CCDC192: variants seen among roughly 807,000 people sequenced by gnomAD.
CCDC192 encodes coiled-coil domain containing 192.
intron 5 of CCDC192, among the ~76,000 whole-genome samples, chr5:127,847,616 G>T (rs1373856628): frequency 1.3e-5 from 2 of 151,830 alleles, no homozygotes; most frequent in Non-Finnish European, 2.9e-5. Flanking sequence ...AAACAGGACT[G>T]GTTCAAGATC....
intron 2 of CCDC192, among the ~76,000 whole-genome samples, chr5:127,750,517 G>C (rs1754084299): frequency 6.6e-6 from 1 of 151,646 alleles, no homozygotes; most frequent in African/African-American, 2.4e-5. Flanking sequence ...ATTTGCTGAG[G>C]AGTGCTTTAC....
chr5:127,922,831 A>T (rs762708948), intron 6 of CCDC192, among the ~76,000 whole-genome samples: 1 of 152,252 alleles, frequency 6.6e-6, no homozygotes, highest in Non-Finnish European at 1.5e-5. Context: ...GAGCCTTGTC[A>T]TCTAAATGAA....
rs10718531 is a variant in CCDC192 at position 127,911,699 on chromosome 5, C to CTT, written c.536-29463_536-29462dup. On this transcript the variant is annotated intron_variant, in intron 6 of 6. Coordinates refer to ENST00000514853, the MANE Select transcript of CCDC192 (RefSeq NM_001317938.2). ...ATTCTCTATCTTTTGCCTTATACCA[C>CTT]TTTTTTTTTTTTTTTTTTTTTACAG... is the stretch of plus-strand genomic sequence containing the variant. 2.0e-4 allele frequency among the ~76,000 whole-genome samples: 23 copies of CTT among 117,312 alleles called. No homozygotes were observed. In the South Asian group the frequency reaches 3.6e-3, roughly 18 times the overall value. The allele number at this position is 117,312 out of a possible 152,430, so 77.0% of individuals were successfully genotyped here.
intron 3 of CCDC192, among the ~76,000 whole-genome samples, chr5:127,765,612 C>T (rs557389642): frequency 1.1e-4 from 16 of 152,250 alleles, no homozygotes; most frequent in South Asian, 4.1e-4. Context: ...GAGTGTAATT[C>T]AAGGAGCACA....
At chr5:127,767,363 T>C (rs1300673209) in intron 3 of CCDC192, among the ~76,000 whole-genome samples, 4 of 152,208 alleles carry the variant, frequency 2.6e-5, no homozygotes, top group East Asian at 3.8e-4. Context: ...AACGGTTGTG[T>C]AACTACAGGT....
At chr5:127,817,451 T>G (rs1441476368) in intron 5 of CCDC192, among the ~76,000 whole-genome samples, 1 of 152,220 alleles carries the variant, frequency 6.6e-6, no homozygotes, top group East Asian at 1.9e-4. Context: ...AATGGAATAT[T>G]ATTTATCCAT....
At chr5:127,715,905 G>T (rs757302691) in intron 2 of CCDC192, among the ~76,000 whole-genome samples, 25 of 152,082 alleles carry the variant, frequency 1.6e-4, no homozygotes, top group South Asian at 6.2e-4. Flanking sequence ...CTGCCTAATT[G>T]TTTTGACTAG....
chr5:127,893,141 T>C (rs936499364), intron 6 of CCDC192, among the ~76,000 whole-genome samples: 1 of 152,150 alleles, frequency 6.6e-6, no homozygotes, highest in Non-Finnish European at 1.5e-5. Context: ...TCCCATGTTT[T>C]ACAGATGAGA....
At chr5:127,742,675 C>A (rs1490693217) in intron 2 of CCDC192, among the ~76,000 whole-genome samples, 13 of 152,100 alleles carry the variant, frequency 8.5e-5, no homozygotes, top group Non-Finnish European at 1.5e-4. Flanking sequence ...GCCAACTTTT[C>A]AATTTTTTTC....
intron 5 of CCDC192, among the ~76,000 whole-genome samples, chr5:127,845,616 T>A (rs1420552192): frequency 6.6e-6 from 1 of 152,178 alleles, no homozygotes. Context: ...ATCAAGCAAA[T>A]CATTTCAAGG....
intron 5 of CCDC192, among the ~76,000 whole-genome samples, chr5:127,814,911 T>G (rs879688981): frequency 6.6e-6 from 1 of 152,256 alleles, no homozygotes; most frequent in East Asian, 1.9e-4. Flanking sequence ...GTATGGCGAA[T>G]TTTTAAAAAT....
rs1405773109 is a variant in CCDC192, at chr5:127,820,151, A to T, written c.411+21989A>T. Among the ~76,000 whole-genome samples the T allele has an allele frequency of 2.0e-5, 3 of 152,244 alleles. No individual in the cohort carries two copies. In the East Asian group the frequency reaches 5.8e-4, roughly 29 times the overall value. ...ATTTCCCTTAGAACTTTTTCTGTAC[A>T]TCTATGACATTTCATTCTTATTACA... On this transcript the variant is annotated intron_variant, in intron 5 of 6. Transcript: ENST00000514853.
intron 3 of CCDC192, among the ~76,000 whole-genome samples, chr5:127,789,722 G>C (rs1023735690): frequency 4.6e-5 from 7 of 152,252 alleles, no homozygotes; most frequent in Non-Finnish European, 7.3e-5. Context: ...ACTTCTTAGA[G>C]GCTACAGGAC....
At chr5:127,843,868 T>C (rs927958279) in intron 5 of CCDC192, among the ~76,000 whole-genome samples, 2 of 152,268 alleles carry the variant, frequency 1.3e-5, no homozygotes, top group Admixed American at 6.5e-5. Context: ...GATAACATTC[T>C]ATGTGATGTA....
rs542290623 is a variant in CCDC192, at chr5:127,739,217, G to A, written c.115-15051G>A. Among the ~76,000 whole-genome samples, 630 of 152,250 alleles carry A rather than the reference G, an allele frequency of 4.1e-3. 3 individuals carry two copies. The highest frequency in any genetic ancestry group is 6.8e-3 in the Middle Eastern group (2 of 294). On this transcript the variant is annotated intron_variant, in intron 2 of 6. Transcript: ENST00000514853. The stretch of plus-strand genomic sequence containing the variant: ...TGAGGTGTCAGTGTGCCCCTGCTGG[G>A]GGGTGCCTCCCAGTTAGGCTGCCCG...
intron 6 of CCDC192, among the ~76,000 whole-genome samples, chr5:127,922,792 T>C (rs764835765): frequency 5.9e-5 from 9 of 152,184 alleles, no homozygotes; most frequent in East Asian, 1.9e-4. Context: ...TAAACATCAA[T>C]TGCATAGCTC....
intron 2 of CCDC192, among the ~76,000 whole-genome samples, chr5:127,744,493 G>A (rs1358972109): frequency 6.6e-6 from 1 of 152,182 alleles, no homozygotes; most frequent in African/African-American, 2.4e-5. Flanking sequence ...TGACATATTA[G>A]AAGCCTCAGA....
chr5:127,766,441 A>G (rs1191648918), intron 3 of CCDC192, among the ~76,000 whole-genome samples: 3 of 151,812 alleles, frequency 2.0e-5, no homozygotes, highest in African/African-American at 4.8e-5. Flanking sequence ...CAAAACAAAA[A>G]CCTGTTACCT....
intron 5 of CCDC192, among the ~76,000 whole-genome samples, chr5:127,805,253 A>G (rs1757718278): frequency 6.6e-6 from 1 of 152,166 alleles, no homozygotes. Context: ...ATATTTCACA[A>G]TAATCCTATG....
Sources: gnomAD v4.1 joint callset for allele counts (sites outside exome capture counted in the v4.1 genomes callset) on GRCh38, gnomAD v4.1.1 for gene constraint, MANE v1.5 for transcripts, NCBI Gene and HGNC (gene_info 2026-07-23, HGNC 2026-07-21) for gene names.